The following PRKAG2 variants were observed in gnomAD, a reference collection of about 807,000 sequenced individuals.
The protein encoded by PRKAG2 is 5'-AMP-activated protein kinase subunit gamma-2.
In PRKAG2, 26 loss-of-function variants were observed where a neutral mutation model predicts 69.6. The observed-to-expected ratio is 0.37, with a 90% CI of 0.27 to 0.52. The LOEUF is 0.52. Among genes scored for constraint, PRKAG2 ranks in the 20% least tolerant of loss-of-function variants. The probability of loss-of-function intolerance (pLI) is 0.90; values close to 1 mark genes in which losing one functional copy is unlikely to be tolerated. For synonymous variants in PRKAG2, 293 were observed against 285.0 expected (o/e 1.03, Z -0.28); for missense variants, 557 against 740.0 (o/e 0.75, Z 2.87).
chr7:151,870,111 T>TGATTGATA (rs1554621411), intron 1 of PRKAG2, among the ~76,000 whole-genome samples: 1 of 120,318 alleles, frequency 8.3e-6, no homozygotes, highest in African/African-American at 3.3e-5. Flanking sequence ...AAGGTGCAGA[T>TGATTGATA]GATAGATAGA....
intron 1 of PRKAG2, among the ~76,000 whole-genome samples, chr7:151,861,893 C>G (rs2079936818): frequency 6.6e-6 from 1 of 151,884 alleles, no homozygotes; most frequent in African/African-American, 2.4e-5. Flanking sequence ...CATGCTCCCT[C>G]CCTAGCAGCC....
intron 14 of PRKAG2, among the ~76,000 whole-genome samples, chr7:151,562,217 C>A (rs1416186732): frequency 1.5e-5 from 2 of 135,712 alleles, no homozygotes; most frequent in African/African-American, 2.7e-5. Flanking sequence ...TGCACTCCAG[C>A]CTGGGCGACA....
intron 3 of PRKAG2, among the ~76,000 whole-genome samples, chr7:151,749,724 A>G (rs140235250): frequency 6.6e-6 from 1 of 151,446 alleles, no homozygotes; most frequent in African/African-American, 2.4e-5. Flanking sequence ...AAACTTTACT[A>G]GGGAACTGCA....
intron 3 of PRKAG2, among the ~76,000 whole-genome samples, chr7:151,732,805 G>A (rs1403949725): frequency 1.3e-5 from 2 of 152,132 alleles, no homozygotes; most frequent in African/African-American, 4.8e-5. Flanking sequence ...CAATTCTCCT[G>A]TCTCAGCCTC....
chr7:151,653,052 C>G (rs1828804071), intron 4 of PRKAG2, among the ~76,000 whole-genome samples: 1 of 148,904 alleles, frequency 6.7e-6, no homozygotes, highest in African/African-American at 2.6e-5. Context: ...GGAAATATCC[C>G]TTTCCTCCTT....
intron 6 of PRKAG2, among the ~76,000 whole-genome samples, chr7:151,587,171 A>G (rs1469300240): frequency 6.6e-6 from 1 of 152,216 alleles, no homozygotes; most frequent in Non-Finnish European, 1.5e-5. Context: ...GCAAACAGCC[A>G]CTTATTTGGA....
chr7:151,646,500 C>A (rs1827588650), intron 4 of PRKAG2, among the ~76,000 whole-genome samples: 1 of 152,106 alleles, frequency 6.6e-6, no homozygotes, highest in Non-Finnish European at 1.5e-5. Context: ...TATAAAAATA[C>A]AGTGGATTTT....
intron 3 of PRKAG2, among the ~76,000 whole-genome samples, chr7:151,727,296 G>T (rs1053941052): frequency 6.6e-6 from 1 of 152,186 alleles, no homozygotes; most frequent in African/African-American, 2.4e-5. Flanking sequence ...ACCTGCCTGT[G>T]GGGGACTGGG....
At chr7:151,805,098 A>G (rs1414163196) in intron 1 of PRKAG2, among the ~76,000 whole-genome samples, 1 of 152,186 alleles carries the variant, frequency 6.6e-6, no homozygotes, top group Non-Finnish European at 1.5e-5. Context: ...CTGTTCCTCC[A>G]TCCTTGAGTT....
chr7:151,601,211 A>C (rs1815996253), intron 5 of PRKAG2, among the ~76,000 whole-genome samples: 1 of 152,190 alleles, frequency 6.6e-6, no homozygotes. Context: ...ACCTGAGAAC[A>C]CACAGGTGGG....
rs1563187635 is a variant in PRKAG2 at position 151,583,638 on chromosome 7, A to G, written c.865-7186T>C. On this transcript the variant is annotated intron_variant, in intron 6 of 15. Coordinates refer to ENST00000287878, the MANE Select transcript of PRKAG2 (RefSeq NM_016203.4). The surrounding 1 kb of genome is among the most constrained non-coding windows in gnomAD (Gnocchi z 4.1). The stretch of plus-strand genomic sequence containing the variant: ...CAATTAACCAATAAACAGGATACAA[A>G]GAGGACTAACACAATCTAGTTCTAA... 1.3e-5 allele frequency among the ~76,000 whole-genome samples: 2 copies of G among 152,246 alleles called. No homozygotes were observed. The highest frequency in any genetic ancestry group is 4.8e-5 in the African/African-American group (2 of 41,468).
In PRKAG2 at chr7:151,839,497, C is replaced by T. The variant is rs143951448; in HGVS notation, c.114+37010G>A. On this transcript the variant is annotated intron_variant, in intron 1 of 15. Transcript: ENST00000287878. ...AGCAACCTTGTACTCAGTGCCTGTT[C>T]GGAATGAGAATAGCAATGTCTACAG... is the stretch of plus-strand genomic sequence containing the variant. Among the ~76,000 whole-genome samples, 1,402 of 152,308 alleles carry T rather than the reference C, an allele frequency of 9.2e-3. 15 individuals carry two copies. Among genetic ancestry groups the T allele is most frequent in the Admixed American group, 0.015 (236 of 15,298 alleles).
chr7:151,720,668 A>T, intron 3 of PRKAG2, among the ~76,000 whole-genome samples: 1 of 69,652 alleles, frequency 1.4e-5, no homozygotes. Context: ...AATGGAGGGG[A>T]TGGAGGGGGA....
chr7:151,842,634 T>TGGTA (rs35857556), intron 1 of PRKAG2, among the ~76,000 whole-genome samples: 80,482 of 141,274 alleles, frequency 0.57, 23,334 homozygotes, highest in East Asian at 0.73. Context: ...ATGGTAGCGA[T>TGGTA]GGTAGGGATG....
intron 3 of PRKAG2, among the ~76,000 whole-genome samples, chr7:151,713,647 C>T (rs1335637554): frequency 1.3e-5 from 2 of 148,488 alleles, no homozygotes; most frequent in East Asian, 2.0e-4. Flanking sequence ...TGCAGTGGTG[C>T]GAACACAGCT....
chr7:151,620,209 T>C (rs1351130178), intron 5 of PRKAG2, among the ~76,000 whole-genome samples: 1 of 152,142 alleles, frequency 6.6e-6, no homozygotes, highest in African/African-American at 2.4e-5. Flanking sequence ...TTATTAACGA[T>C]TTTTAAAAAG....
At chr7:151,854,983 G>GCC (rs1563756291) in intron 1 of PRKAG2, among the ~76,000 whole-genome samples, 27 of 11,698 alleles carry the variant, frequency 2.3e-3, no homozygotes, top group South Asian at 5.6e-3. Flanking sequence ...CACACACCAT[G>GCC]CTCCACACAC....
intron 1 of PRKAG2, among the ~76,000 whole-genome samples, chr7:151,876,186 C>CCCCGCA (rs927061377): frequency 1.3e-5 from 2 of 151,980 alleles, no homozygotes; most frequent in African/African-American, 2.4e-5. Flanking sequence ...ACGCACCGCC[C>CCCCGCA]CCCGCACCCG....
chr7:151,609,912 G>A (rs915155086), intron 5 of PRKAG2, among the ~76,000 whole-genome samples: 2 of 152,214 alleles, frequency 1.3e-5, no homozygotes, highest in Non-Finnish European at 2.9e-5. Flanking sequence ...CGATCTGGGT[G>A]ACTGACTGCA....
Sources: gnomAD v4.1 joint callset for allele counts (sites outside exome capture counted in the v4.1 genomes callset) on GRCh38, gnomAD v4.1.1 for gene constraint, Gnocchi (gnomAD v3.1) non-coding constraint, MANE v1.5 for transcripts, NCBI Gene and HGNC (gene_info 2026-07-23, HGNC 2026-07-21) for gene names.